CLDN14: variants seen among roughly 807,000 people sequenced by gnomAD.
CLDN14 encodes the protein claudin 14, also known as claudin-14.
A neutral mutation model predicts 2.1 loss-of-function variants in CLDN14; 2 were observed. The ratio of observed to expected loss-of-function variants is 0.96; its 90% CI spans 0.39 to 3.01. The LOEUF (loss-of-function observed/expected upper bound fraction) is 3.01, where lower values mean the gene tolerates loss of function less well. CLDN14 is among the 30% of genes most tolerant of loss of function. CLDN14 has a pLI of 0.09. For missense variants in CLDN14, 298 were observed against 328.0 expected (o/e 0.91, Z 0.71); for synonymous variants, 136 against 154.4 (o/e 0.88, Z 0.88).
chr21:36,565,290 T>G (rs559037651), intron 1 of CLDN14, among the ~76,000 whole-genome samples: 1 of 152,212 alleles, frequency 6.6e-6, no homozygotes, highest in Non-Finnish European at 1.5e-5. Context: ...GCTGTGAGAA[T>G]GGGCATGAGG....
chr21:36,466,008 G>A (rs549780527), intron 1 of CLDN14, among the ~76,000 whole-genome samples: 18 of 152,236 alleles, frequency 1.2e-4, no homozygotes, highest in South Asian at 2.1e-4. Context: ...GTTTCCCAAC[G>A]ACAGCATCTT....
chr21:36,475,476 G>C (rs1489471082), intron 1 of CLDN14, among the ~76,000 whole-genome samples: 1 of 152,206 alleles, frequency 6.6e-6, no homozygotes, highest in Non-Finnish European at 1.5e-5. Flanking sequence ...CTGGGGTGGG[G>C]TCCATGCATG....
chr21:36,509,143 C>T (rs536829115), intron 2 of CLDN14, among the ~76,000 whole-genome samples: 37 of 152,326 alleles, frequency 2.4e-4, no homozygotes, highest in African/African-American at 6.7e-4. Flanking sequence ...GGCATGGCTG[C>T]GGTGTGTATT....
At chr21:36,550,708 C>T (rs571808215) in intron 1 of CLDN14, among the ~76,000 whole-genome samples, 2 of 152,260 alleles carry the variant, frequency 1.3e-5, no homozygotes, top group East Asian at 1.9e-4. Context: ...TCAAGAGGTC[C>T]CTGCTCCATC....
In CLDN14 at chr21:36,498,931, G is replaced by T. The variant is rs2087066253; in HGVS notation, c.-82+11432C>A. ...TCTTCTAGGTGGTTCGCTCAGCAAG[G>T]GTACTTTTTGTAATTCAGCCACCCA... On this transcript the variant is annotated intron_variant, in intron 2 of 2. Coordinates refer to the CLDN14 transcript ENST00000342108. This position sits in a 1 kb window ranked among gnomAD's most constrained non-coding sequence, Gnocchi z 4.9. Among the ~76,000 whole-genome samples, 1 of 152,100 alleles carries T rather than the reference G, an allele frequency of 6.6e-6. No homozygotes were observed. Among genetic ancestry groups the T allele is most frequent in the Non-Finnish European group, 1.5e-5 (1 of 68,010 alleles).
Position 36,460,814 on chromosome 21 carries a change from C to T in CLDN14, c.*162G>A, listed in dbSNP as rs1167827857. On this transcript the variant is annotated 3_prime_UTR_variant, in exon 2 of 2. Coordinates refer to ENST00000399135, the MANE Select transcript of CLDN14 (RefSeq NM_001146079.2). The surrounding 1 kb of genome is among the most constrained non-coding windows in gnomAD (Gnocchi z 4.0). The stretch of plus-strand genomic sequence containing the variant: ...AGCTTTCTCCTCCTCTTATTTCCCC[C>T]TCTGTCCCTGTGCTCTAAAGACATT... The T allele has an allele frequency of 1.0e-5, 8 of 803,888 alleles. No individual in the cohort carries two copies. Among genetic ancestry groups the T allele is most frequent in the Non-Finnish European group, 1.6e-5 (8 of 507,392 alleles). 49.8% of individuals were successfully genotyped at this position (803,888 alleles called of 1,614,324 possible). A position where few individuals can be genotyped will look rare whatever the true frequency, so the allele number is the denominator to read the frequency against.
intron 1 of CLDN14, among the ~76,000 whole-genome samples, chr21:36,540,163 C>T (rs978497312): frequency 6.6e-6 from 1 of 151,620 alleles, no homozygotes; most frequent in Non-Finnish European, 1.5e-5. Flanking sequence ...TCAGTATTCA[C>T]AGGGGATTGG....
chr21:36,523,905 A>G (rs1441076994), intron 1 of CLDN14, among the ~76,000 whole-genome samples: 2 of 152,028 alleles, frequency 1.3e-5, no homozygotes, highest in Non-Finnish European at 2.9e-5. Context: ...CCACTCCGAG[A>G]TGCTCCAGCC....
upstream of CLDN14, among the ~76,000 whole-genome samples, chr21:36,482,280 A>G (rs989570948): frequency 2.0e-5 from 3 of 152,194 alleles, no homozygotes; most frequent in African/African-American, 7.2e-5. Context: ...TTAGGGCAGC[A>G]ACTATCCTGA....
At chr21:36,533,909 G>T (rs372589890) in intron 1 of CLDN14, among the ~76,000 whole-genome samples, 1 of 152,140 alleles carries the variant, frequency 6.6e-6, no homozygotes, top group Non-Finnish European at 1.5e-5. Context: ...TAATACCTGG[G>T]TGATGAAATA....
intron 1 of CLDN14, among the ~76,000 whole-genome samples, chr21:36,553,677 A>T (rs1202070372): frequency 6.6e-6 from 1 of 151,916 alleles, no homozygotes; most frequent in African/African-American, 2.4e-5. Flanking sequence ...AACTTCTGAC[A>T]TTGGCGGTCT....
rs890209399 is a variant in CLDN14, at chr21:36,479,572, C to T, written c.-159G>A. 6.6e-6 allele frequency: 1 copy of T among 152,180 alleles called. No individual in the cohort carries two copies. Among genetic ancestry groups the T allele is most frequent in the African/African-American group, 2.4e-5 (1 of 41,422 alleles). 9.4% of individuals were successfully genotyped at this position (152,180 alleles called of 1,614,324 possible). On this transcript the variant is annotated 5_prime_UTR_variant, in exon 1 of 2. Transcript: ENST00000399135. ...GCCGCTCTGGAGCCTGGCTGGACTC[C>T]AGCTCCCATGTGCAAGAGGACTCAG...
chr21:36,506,670 C>G (rs746931844), intron 2 of CLDN14, among the ~76,000 whole-genome samples: 2 of 151,680 alleles, frequency 1.3e-5, no homozygotes, highest in Admixed American at 1.3e-4. Context: ...GCACAAAAAG[C>G]CGTTCACAGC....
intron 2 of CLDN14, among the ~76,000 whole-genome samples, chr21:36,497,757 G>C (rs2087051492): frequency 1.3e-5 from 2 of 152,118 alleles, no homozygotes; most frequent in Non-Finnish European, 2.9e-5. Context: ...CAACCACCTT[G>C]AGACACCTGC....
chr21:36,541,053 T>C (rs759560653), intron 1 of CLDN14, among the ~76,000 whole-genome samples: 12 of 151,952 alleles, frequency 7.9e-5, no homozygotes, highest in Admixed American at 2.0e-4. Context: ...GATGTTAGAG[T>C]TGAGAAAAGA....
chr21:36,499,489 A>G lies in CLDN14; in HGVS notation c.-82+10874T>C, dbSNP rs1306601822. Among the ~76,000 whole-genome samples, 1 of 152,154 alleles carries G rather than the reference A, an allele frequency of 6.6e-6. No individual in the cohort carries two copies. The highest frequency in any genetic ancestry group is 1.5e-5 in the Non-Finnish European group (1 of 68,028). On this transcript the variant is annotated intron_variant, in intron 2 of 2. Coordinates refer to the CLDN14 transcript ENST00000342108. The surrounding 1 kb of genome is among the most constrained non-coding windows in gnomAD (Gnocchi z 4.7). ...TTTAGGCTATTAGTAGAAAGTGATC[A>G]AGATTAGAATAGAGTGGCTTATCTG... is the stretch of plus-strand genomic sequence containing the variant.
chr21:36,561,179 C>T (rs2087632261), intron 1 of CLDN14, among the ~76,000 whole-genome samples: 1 of 152,144 alleles, frequency 6.6e-6, no homozygotes, highest in Admixed American at 6.5e-5. Flanking sequence ...ACTCCAAGGG[C>T]TTAACTAGAC....
intron 1 of CLDN14, among the ~76,000 whole-genome samples, chr21:36,532,811 A>C (rs528758640): frequency 6.6e-6 from 1 of 152,254 alleles, no homozygotes; most frequent in East Asian, 1.9e-4. Context: ...ATTTGTCTAG[A>C]AATAAAAATG....
chr21:36,473,456 T>C (rs1165363841), intron 1 of CLDN14, among the ~76,000 whole-genome samples: 1 of 152,228 alleles, frequency 6.6e-6, no homozygotes, highest in Non-Finnish European at 1.5e-5. Context: ...TAAATAGATC[T>C]CTTTCTATAT....
Sources: gnomAD v4.1 joint callset for allele counts (sites outside exome capture counted in the v4.1 genomes callset) on GRCh38, gnomAD v4.1.1 for gene constraint, Gnocchi (gnomAD v3.1) non-coding constraint, MANE v1.5 for transcripts, NCBI Gene and HGNC (gene_info 2026-07-23, HGNC 2026-07-21) for gene names.